LRRTM4: variants seen among roughly 807,000 people sequenced by gnomAD.
The protein encoded by LRRTM4 is leucine rich repeat transmembrane neuronal 4, also known as leucine-rich repeat transmembrane neuronal protein 4.
In LRRTM4, 25 loss-of-function variants were observed where a neutral mutation model predicts 47.6. The ratio of observed to expected loss-of-function variants is 0.53; its 90% CI spans 0.38 to 0.73. The LOEUF (loss-of-function observed/expected upper bound fraction) is 0.73, where lower values mean the gene tolerates loss of function less well. LRRTM4 is among the 30% of genes least tolerant of loss of function. LRRTM4 has a pLI of 0.00. For missense variants in LRRTM4, 638 were observed against 713.4 expected (o/e 0.89, Z 1.20); for synonymous variants, 311 against 269.5 (o/e 1.15, Z -1.51).
At chr2:76,775,565 C>G (rs1209094390) in intron 3 of LRRTM4, among the ~76,000 whole-genome samples, 1 of 151,992 alleles carries the variant, frequency 6.6e-6, no homozygotes. Context: ...TGTTGTAAAA[C>G]AGACCTTCCT....
intron 3 of LRRTM4, among the ~76,000 whole-genome samples, chr2:76,843,334 T>C (rs978538584): frequency 6.6e-6 from 1 of 152,152 alleles, no homozygotes; most frequent in Admixed American, 6.6e-5. Context: ...ATATTTAAGA[T>C]TGACTTCTAA....
intron 3 of LRRTM4, among the ~76,000 whole-genome samples, chr2:77,346,934 G>A (rs1375372763): frequency 1.3e-5 from 2 of 151,972 alleles, no homozygotes; most frequent in East Asian, 1.9e-4. Context: ...TGTGTGATGC[G>A]ACATATTCTC....
intron 3 of LRRTM4, among the ~76,000 whole-genome samples, chr2:77,238,787 C>CA (rs1052603217): frequency 1.9e-4 from 28 of 151,196 alleles, no homozygotes; most frequent in South Asian, 1.3e-3. Context: ...AACCAGAAAA[C>CA]AAAAAAATGG....
chr2:76,802,143 A>T (rs1213022034), intron 3 of LRRTM4, among the ~76,000 whole-genome samples: 9 of 152,116 alleles, frequency 5.9e-5, no homozygotes, highest in Non-Finnish European at 1.2e-4. Context: ...AAGGGAAAAG[A>T]ATAAAAGTCA....
chr2:77,066,654 AG>A, intron 3 of LRRTM4, among the ~76,000 whole-genome samples: 1 of 152,352 alleles, frequency 6.6e-6, no homozygotes, highest in African/African-American at 2.4e-5. Flanking sequence ...CTTACTATGT[AG>A]AGAGAGGTAT....
chr2:76,884,489 G>A (rs72921658), intron 3 of LRRTM4, among the ~76,000 whole-genome samples: 3,874 of 152,220 alleles, frequency 0.025, 162 homozygotes, highest in African/African-American at 0.08. Flanking sequence ...GTATCTTTAT[G>A]TACCTATTAA....
At chr2:77,174,770 A>G (rs1673146304) in intron 3 of LRRTM4, among the ~76,000 whole-genome samples, 1 of 151,960 alleles carries the variant, frequency 6.6e-6, no homozygotes, top group Non-Finnish European at 1.5e-5. Flanking sequence ...AACATTAGGT[A>G]TATCACCTAA....
intron 3 of LRRTM4, among the ~76,000 whole-genome samples, chr2:76,998,023 C>G (rs563802792): frequency 6.6e-6 from 1 of 152,106 alleles, no homozygotes; most frequent in East Asian, 1.9e-4. Context: ...AGGGCTTCCA[C>G]TGATTATACA....
chr2:76,904,150 G>C (rs1387851361), intron 3 of LRRTM4, among the ~76,000 whole-genome samples: 3 of 152,164 alleles, frequency 2.0e-5, no homozygotes, highest in Non-Finnish European at 2.9e-5. Context: ...GTATAATTGA[G>C]ACTCAGACAT....
rs551428024 is a variant in LRRTM4 at position 76,852,119 on chromosome 2, T to G, written c.1552-103203A>C. On this transcript the variant is annotated intron_variant, in intron 3 of 3. Coordinates refer to ENST00000409884, the MANE Select transcript of LRRTM4 (RefSeq NM_001134745.3). ...GTGCTGGGGAATTTCACCTGCATTA[T>G]TGAATGTGATTATCACAACAACCAT... Among the ~76,000 whole-genome samples, 41 of 152,292 alleles carry G rather than the reference T, an allele frequency of 2.7e-4. 1 individual carries two copies. The highest frequency in any genetic ancestry group is 9.9e-4 in the African/African-American group (41 of 41,564).
At position 76,889,350 on chromosome 2, in the gene LRRTM4, T is replaced by G. The variant is rs181344123; in HGVS notation, c.1552-140434A>C. On this transcript the variant is annotated intron_variant, in intron 3 of 3. Coordinates refer to ENST00000409884, the MANE Select transcript of LRRTM4 (RefSeq NM_001134745.3). ...GAGTTACACATATTTTTATACAGACTTCAAAATATTCCTTTTTGTCCATAT... is the reference window on the plus strand; with the variant it reads ...GAGTTACACATATTTTTATACAGACGTCAAAATATTCCTTTTTGTCCATAT... 3.1e-3 allele frequency among the ~76,000 whole-genome samples: 468 copies of G among 152,072 alleles called. 1 individual carries two copies. Among genetic ancestry groups the G allele is most frequent in the Non-Finnish European group, 5.0e-3 (341 of 67,834 alleles).
intron 3 of LRRTM4, among the ~76,000 whole-genome samples, chr2:77,273,124 G>T (rs982728843): frequency 6.6e-6 from 1 of 151,970 alleles, no homozygotes; most frequent in Non-Finnish European, 1.5e-5. Context: ...GTCTATTTGG[G>T]ACATCCATTA....
chr2:76,885,491 C>G (rs77854575), intron 3 of LRRTM4, among the ~76,000 whole-genome samples: 1 of 135,080 alleles, frequency 7.4e-6, no homozygotes, highest in African/African-American at 2.9e-5. Context: ...GAGACGAAGT[C>G]TCGCTCTGTC....
At chr2:76,800,362 C>A (rs1675598575) in intron 3 of LRRTM4, among the ~76,000 whole-genome samples, 1 of 138,230 alleles carries the variant, frequency 7.2e-6, no homozygotes. Flanking sequence ...AAAGGATTCC[C>A]TATTTAATAA....
At chr2:76,767,303 T>C (rs1198349611) in intron 3 of LRRTM4, among the ~76,000 whole-genome samples, 3 of 152,222 alleles carry the variant, frequency 2.0e-5, no homozygotes, top group Non-Finnish European at 4.4e-5. Context: ...CTTTCATCTG[T>C]ACTAATTGCT....
At chr2:77,223,441 A>G (rs1674703460) in intron 3 of LRRTM4, among the ~76,000 whole-genome samples, 2 of 152,206 alleles carry the variant, frequency 1.3e-5, no homozygotes, top group Non-Finnish European at 2.9e-5. Context: ...AGATGACATG[A>G]TTGTATATCT....
intron 3 of LRRTM4, among the ~76,000 whole-genome samples, chr2:77,192,710 G>C (rs896886694): frequency 6.6e-6 from 1 of 152,054 alleles, no homozygotes; most frequent in Non-Finnish European, 1.5e-5. Flanking sequence ...AAATCAAATT[G>C]TTTTTACTGA....
intron 3 of LRRTM4, among the ~76,000 whole-genome samples, chr2:76,944,306 C>G (rs1055394627): frequency 6.6e-6 from 1 of 152,136 alleles, no homozygotes; most frequent in Non-Finnish European, 1.5e-5. Flanking sequence ...CTCTGACACT[C>G]AAATCTGTAT....
intron 3 of LRRTM4, among the ~76,000 whole-genome samples, chr2:76,816,230 A>G (rs1165492798): frequency 6.6e-6 from 1 of 152,070 alleles, no homozygotes; most frequent in Non-Finnish European, 1.5e-5. Flanking sequence ...GTGTTTTAGT[A>G]TAGACCATTA....
Sources: allele counts gnomAD v4.1 joint callset (sites outside exome capture counted in the v4.1 genomes callset), GRCh38; gene constraint gnomAD v4.1.1; transcripts MANE v1.5; gene names NCBI Gene and HGNC (gene_info 2026-07-23, HGNC 2026-07-21).